Variants in CFH observed in about 807,000 individuals in gnomAD.
The protein encoded by CFH is H factor 1 (complement).
In CFH, 53 loss-of-function variants were observed where a neutral mutation model predicts 147.3. That is an observed-to-expected ratio of 0.36 (90% CI 0.29 to 0.45). The LOEUF is 0.45. Ranked by LOEUF, CFH falls within the 20% of genes least tolerant of loss-of-function variation. CFH has a pLI of 1.00. For synonymous variants in CFH, 536 were observed against 489.4 expected (o/e 1.10, Z -1.26); for missense variants, 1,380 against 1,498.0 (o/e 0.92, Z 1.30).
chr1:196,673,640 C>T (rs777714868), intron 2 of CFH, among the ~76,000 whole-genome samples: 1 of 152,014 alleles, frequency 6.6e-6, no homozygotes, highest in African/African-American at 2.4e-5. Context: ...CCAGCCAATA[C>T]ATCATCATTT....
intron 12 of CFH, among the ~76,000 whole-genome samples, chr1:196,725,840 T>C (rs1669124360): frequency 6.6e-6 from 1 of 152,084 alleles, no homozygotes; most frequent in Non-Finnish European, 1.5e-5. Context: ...TCATGAGAGA[T>C]CCATACCCAT....
chr1:196,726,822 C>A lies in CFH; in HGVS notation c.2118C>A (p.Ser706=). ...AACATGGCTGGGCCCAGCTTTCTTC[C>A]CCTCCTTATTACTATGGAGATTCAG... ...ELEHGWAQLS[S]PPYYYGDSVE... The change falls in exon 14 of 22, where the codon TCC becomes TCA. Residue 706 remains serine, a synonymous_variant. Coordinates refer to ENST00000367429, the MANE Select transcript of CFH (RefSeq NM_000186.4). The A allele has an allele frequency of 6.2e-7, 1 of 1,613,436 alleles. No individual in the cohort carries two copies. The highest frequency in any genetic ancestry group is 2.2e-5 in the East Asian group (1 of 44,846).
chr1:196,714,439 C>A, intron 10 of CFH, among the ~76,000 whole-genome samples: 1 of 150,670 alleles, frequency 6.6e-6, no homozygotes, highest in Non-Finnish European at 1.5e-5. Context: ...ACAAAATATT[C>A]CTAGATGGTA....
At chr1:196,664,359 GC>G (rs1169372518) in intron 1 of CFH, among the ~76,000 whole-genome samples, 1 of 152,122 alleles carries the variant, frequency 6.6e-6, no homozygotes, top group Non-Finnish European at 1.5e-5. Context: ...ACCATGGCTG[GC>G]CACCTGGTTT....
In CFH at chr1:196,689,774, G is replaced by T. The variant is rs183490571; in HGVS notation, c.1159+160G>T. On this transcript the variant is annotated intron_variant, in intron 8 of 21. Coordinates refer to ENST00000367429, the MANE Select transcript of CFH (RefSeq NM_000186.4). Reference sequence around the variant, plus strand: ...CAAAATAGATCTTTTCTATTATGAGGGTTTCTTCTTGAAAATCACAGGAGA... The same window carrying T: ...CAAAATAGATCTTTTCTATTATGAGTGTTTCTTCTTGAAAATCACAGGAGA... 3.7e-4 allele frequency among the ~76,000 whole-genome samples: 56 copies of T among 152,036 alleles called. 1 individual carries two copies. The East Asian group carries it at 8.9e-3, about 24-fold the overall frequency.
intron 11 of CFH, among the ~76,000 whole-genome samples, chr1:196,718,743 A>G (rs1668929684): frequency 6.6e-6 from 1 of 152,078 alleles, no homozygotes; most frequent in South Asian, 2.1e-4. Flanking sequence ...ACATGAAATG[A>G]AAACCTAAAG....
At chr1:196,655,130 T>C (rs776295829) in intron 1 of CFH, among the ~76,000 whole-genome samples, 2 of 152,220 alleles carry the variant, frequency 1.3e-5, no homozygotes, top group Non-Finnish European at 2.9e-5. Context: ...TTTAGTATTA[T>C]TCATAATTTA....
intron 4 of CFH, among the ~76,000 whole-genome samples, chr1:196,676,560 G>T (rs552549607): frequency 2.4e-4 from 36 of 152,146 alleles, no homozygotes; most frequent in Non-Finnish European, 4.6e-4. Context: ...TCACTGGTCT[G>T]TAAAGCAAAC....
intron 1 of CFH, among the ~76,000 whole-genome samples, chr1:196,656,265 T>C (rs1666684046): frequency 6.7e-6 from 1 of 149,820 alleles, no homozygotes; most frequent in Admixed American, 6.7e-5. Flanking sequence ...GATCATGCCA[T>C]TGCCCTTCAG....
chr1:196,715,544 G>A lies in CFH; in HGVS notation c.1520-49G>A, dbSNP rs533092353. On this transcript the variant is annotated intron_variant, in intron 10 of 21. Coordinates refer to ENST00000367429, the MANE Select transcript of CFH (RefSeq NM_000186.4). ...TCTTAGAATGGGAAATACTCAGATT[G>A]TTTATTAGATGACATTAGAAATGAC... The A allele has an allele frequency of 1.6e-5, 22 of 1,405,510 alleles. No homozygotes were observed. In the Admixed American group the frequency reaches 2.0e-4, roughly 13 times the overall value. 87.1% of individuals were successfully genotyped at this position (1,405,510 alleles called of 1,614,324 possible). A position where few individuals can be genotyped will look rare whatever the true frequency, so the allele number is the denominator to read the frequency against.
chr1:196,694,861 T>G (rs1478399292), intron 9 of CFH, among the ~76,000 whole-genome samples: 1 of 152,248 alleles, frequency 6.6e-6, no homozygotes, highest in African/African-American at 2.4e-5. Flanking sequence ...GTTTGTTTCT[T>G]TCTTATAAAT....
intron 11 of CFH, among the ~76,000 whole-genome samples, chr1:196,716,658 G>A (rs1357507976): frequency 6.6e-6 from 1 of 151,976 alleles, no homozygotes; most frequent in Non-Finnish European, 1.5e-5. Context: ...AAACATTTAG[G>A]TGATGAAAAG....
intron 11 of CFH, among the ~76,000 whole-genome samples, chr1:196,721,203 G>T (rs575527831): frequency 9.3e-5 from 14 of 151,180 alleles, no homozygotes; most frequent in African/African-American, 3.2e-4. Context: ...CTGGATATTA[G>T]CCCTTTTTCA....
chr1:196,726,438 T>C, intron 12 of CFH, 32 bp from the exon 13 acceptor site: 1 of 1,511,428 alleles, frequency 6.6e-7, no homozygotes, highest in South Asian at 1.1e-5. Context: ...ACAGACAATT[T>C]AACCATTATT....
intron 1 of CFH, among the ~76,000 whole-genome samples, chr1:196,655,430 T>C (rs545827832): frequency 6.9e-4 from 105 of 152,348 alleles, no homozygotes; most frequent in Non-Finnish European, 1.4e-3. Flanking sequence ...TTTGCCTACA[T>C]ATAATTTAAA....
chr1:196,679,630 A>T lies in CFH; in HGVS notation c.627A>T (p.Ser209=), dbSNP rs148235334. The change falls in exon 6 of 22, where the codon TCA becomes TCT. Residue 209 remains serine, a synonymous_variant. Transcript: ENST00000367429. ...TTAATCCCTTTTATTTAGAAATTTC[A>T]TGCAAATCCCCAGATGTTATAAATG... ...SKEKPKCVEI[S]CKSPDVINGS... is the part of the protein sequence containing the mutation. 2.5e-6 allele frequency: 4 copies of T among 1,601,790 alleles called. No homozygotes were observed. Among genetic ancestry groups the T allele is most frequent in the Admixed American group, 1.7e-5 (1 of 59,686 alleles).
chr1:196,657,343 G>A (rs534946524), intron 1 of CFH, among the ~76,000 whole-genome samples: 11 of 152,070 alleles, frequency 7.2e-5, no homozygotes, highest in Admixed American at 2.0e-4. Context: ...AGATCATATC[G>A]TATATATGCA....
rs546467891 is a variant in CFH at position 196,746,607 on chromosome 1, C to A, written c.3494-504C>A. Among the ~76,000 whole-genome samples, 11 of 152,290 alleles carry A rather than the reference C, an allele frequency of 7.2e-5. 1 individual carries two copies. In the East Asian group the frequency reaches 1.9e-3, roughly 27 times the overall value. Reference sequence around the variant, plus strand: ...ACCACAAATTAATTAGCACATTCTTCATCACCTATGCTTAGCATTGGGTGT... The same window carrying A: ...ACCACAAATTAATTAGCACATTCTTAATCACCTATGCTTAGCATTGGGTGT... On this transcript the variant is annotated intron_variant, in intron 21 of 21. Coordinates refer to ENST00000367429, the MANE Select transcript of CFH (RefSeq NM_000186.4).
intron 6 of CFH, among the ~76,000 whole-genome samples, chr1:196,683,903 C>A (rs1201132273): frequency 6.6e-6 from 1 of 151,634 alleles, no homozygotes; most frequent in East Asian, 1.9e-4. Flanking sequence ...CATGGGAAAT[C>A]AAATAGTAAA....
Sources: allele counts gnomAD v4.1 joint callset (sites outside exome capture counted in the v4.1 genomes callset), GRCh38; gene constraint gnomAD v4.1.1; transcripts MANE v1.5; gene names NCBI Gene and HGNC (gene_info 2026-07-23, HGNC 2026-07-21).